The following SF3B3 variants were observed in gnomAD, a reference collection of about 807,000 sequenced individuals.
SF3B3 encodes the protein splicing factor 3b subunit 3.
SF3B3 carries 33 observed loss-of-function variants against 139.2 expected under a neutral mutation model. The observed-to-expected ratio is 0.24, with a 90% confidence interval of 0.18 to 0.32. SF3B3 has a LOEUF of 0.32. SF3B3 is among the 10% of genes least tolerant of loss of function. The pLI, the probability that SF3B3 is intolerant of heterozygous loss-of-function variation, is 1.00. For synonymous variants in SF3B3, 596 were observed against 563.6 expected (o/e 1.06, Z -0.81); for missense variants, 818 against 1,509.4 (o/e 0.54, Z 7.59).
intron 10 of SF3B3, among the ~76,000 whole-genome samples, chr16:70,544,967 C>G (rs535787054): frequency 6.6e-6 from 1 of 152,282 alleles, no homozygotes; most frequent in East Asian, 1.9e-4. Context: ...TACATCTAGT[C>G]TTAGTTAAAT....
intron 18 of SF3B3, 93 bp from the exon 19 acceptor site, chr16:70,564,972 G>A: frequency 9.5e-6 from 11 of 1,162,606 alleles, no homozygotes; most frequent in Non-Finnish European, 1.3e-5. Context: ...TATGTATTGA[G>A]AACCCCCTGG....
intron 11 of SF3B3, among the ~76,000 whole-genome samples, chr16:70,549,115 T>A (rs1299675134): frequency 6.6e-6 from 1 of 152,224 alleles, no homozygotes; most frequent in East Asian, 1.9e-4. Flanking sequence ...TCAGTCTCAT[T>A]TTCCCTTGAT....
chr16:70,571,310 G>A (rs74925842), intron 25 of SF3B3, 111 bp downstream of exon 25: 492 of 764,664 alleles, frequency 6.4e-4, no homozygotes, highest in African/African-American at 6.2e-3. Flanking sequence ...GCAGACCACA[G>A]CCAGAGCAAA....
rs2050114154 is a variant in SF3B3 at position 70,530,840 on chromosome 16, A to T, written c.493A>T (p.Thr165Ser). The T allele has an allele frequency of 6.2e-7, 1 of 1,613,988 alleles. No individual in the cohort carries two copies. Among genetic ancestry groups the T allele is most frequent in the African/African-American group, 1.3e-5 (1 of 74,918 alleles). ...TCCCCTGGAAGCCCACAAAGCAAAC[A>T]CTTTAGTGTATCATGTAGTTGGAGT... ...SSPLEAHKAN[T>S]LVYHVVGVDV... The change falls in exon 4 of 26, where the codon ACT (threonine) becomes TCT (serine). Residue 165 changes from threonine (T) to serine (S), a missense_variant. Physicochemically the swap from Thr to Ser is moderately conservative, Grantham distance 58. Transcript: ENST00000302516.
rs1197374408 is a variant in SF3B3, at chr16:70,544,187, G to A, written c.1234-251G>A. ...TTTTTAGGAGACTGGTGTGATGGCT[G>A]TATACCCTCAGTACTCACATGTGCG... On this transcript the variant is annotated intron_variant, in intron 9 of 25. Transcript: ENST00000302516. 2.4e-4 allele frequency among the ~76,000 whole-genome samples: 37 copies of A among 152,128 alleles called. 1 individual carries two copies. Among genetic ancestry groups the A allele is most frequent in the Admixed American group, 2.4e-3 (36 of 15,270 alleles).
intron 3 of SF3B3, among the ~76,000 whole-genome samples, chr16:70,530,135 T>G (rs1421387932): frequency 8.0e-6 from 1 of 125,152 alleles, no homozygotes; most frequent in African/African-American, 2.9e-5. Flanking sequence ...CAAAAATAAA[T>G]AAATAAATAA....
At chr16:70,561,438 A>G in intron 16 of SF3B3, 192 bp from the exon 17 acceptor site, 2 of 583,398 alleles carry the variant, frequency 3.4e-6, no homozygotes, top group South Asian at 2.2e-5. Flanking sequence ...CTCGTAGCCC[A>G]TGCTTTTCAC....
At chr16:70,559,635 C>T (rs1383199825) in intron 15 of SF3B3, among the ~76,000 whole-genome samples, 1 of 151,932 alleles carries the variant, frequency 6.6e-6, no homozygotes, top group Non-Finnish European at 1.5e-5. Flanking sequence ...TGCAGTGAGC[C>T]AAGATTGTGG....
Position 70,546,938 on chromosome 16 carries a change from G to A in SF3B3, c.1330-1432G>A, listed in dbSNP as rs868525934. 2.0e-4 allele frequency among the ~76,000 whole-genome samples: 30 copies of A among 152,042 alleles called. 1 individual carries two copies. Among genetic ancestry groups the A allele is most frequent in the South Asian group, 8.3e-4 (4 of 4,810 alleles). Reference sequence around the variant, plus strand: ...AGCTACTCAGGAGGCTGAGGCAGGAGAATGGCGTGAACCCGGGAGGTGGAG... The same window carrying A: ...AGCTACTCAGGAGGCTGAGGCAGGAAAATGGCGTGAACCCGGGAGGTGGAG... On this transcript the variant is annotated intron_variant, in intron 10 of 25. Transcript: ENST00000302516.
At chr16:70,566,697 C>G (rs1477192576) in intron 20 of SF3B3, among the ~76,000 whole-genome samples, 1 of 152,150 alleles carries the variant, frequency 6.6e-6, no homozygotes, top group Non-Finnish European at 1.5e-5. Flanking sequence ...GGGGAGTATC[C>G]TCTAAGAAAT....
intron 15 of SF3B3, 31 bp downstream of exon 15, chr16:70,557,060 A>G (rs371944094): frequency 1.3e-6 from 2 of 1,572,714 alleles, no homozygotes; most frequent in Non-Finnish European, 1.7e-6. Context: ...CATTGTGGAC[A>G]TTAGGCCTTC....
intron 13 of SF3B3, 116 bp downstream of exon 13, chr16:70,555,322 A>T: frequency 1.0e-6 from 1 of 997,706 alleles, no homozygotes; most frequent in Non-Finnish European, 1.5e-6. Flanking sequence ...TACTAAAAAT[A>T]CAAAAATTAG....
intron 2 of SF3B3, 59 bp downstream of exon 2, chr16:70,526,785 A>G: frequency 1.7e-6 from 2 of 1,167,176 alleles, no homozygotes; most frequent in Admixed American, 1.7e-5. Flanking sequence ...TATCTTGCTT[A>G]GTCTCTTGTG....
intron 1 of SF3B3, chr16:70,524,724 A>T (rs939547013): frequency 1.3e-5 from 2 of 152,320 alleles, no homozygotes; most frequent in Middle Eastern, 3.4e-3. Flanking sequence ...TTTGTCGCCC[A>T]GGCTGGAGTG....
intron 8 of SF3B3, 78 bp downstream of exon 8, chr16:70,539,285 C>A (rs929910006): frequency 3.0e-6 from 3 of 994,886 alleles, no homozygotes; most frequent in African/African-American, 1.6e-5. Context: ...CAGTGGCTCA[C>A]GGCCATAATC....
chr16:70,556,306 C>G lies in SF3B3; in HGVS notation c.1838C>G (p.Thr613Ser). ...CTGGCTGTGGGGCTTGTGGACAACA[C>G]TGTCAGAATCATCTCCCTGGATCCC... ...RFLAVGLVDN[T>S]VRIISLDPSD... Residue 613 changes from threonine to serine, a missense_variant, in exon 14 of 26, where the codon ACT becomes AGT. By Grantham distance (58) the Thr-to-Ser change is moderately conservative. Around this residue, in one of 14 missense-constraint regions of SF3B3, gnomAD observed 170 missense variants for 353.0 expected, o/e 0.48. Coordinates refer to ENST00000302516, the MANE Select transcript of SF3B3 (RefSeq NM_012426.5). The G allele has an allele frequency of 1.2e-6, 2 of 1,614,216 alleles. No homozygotes were observed. The highest frequency in any genetic ancestry group is 1.7e-6 in the Non-Finnish European group (2 of 1,180,040).
Position 70,544,454 on chromosome 16 carries a change from A to G in SF3B3, c.1250A>G (p.Asn417Ser), listed in dbSNP as rs752745730. ...ILFCQIADLA[N>S]EDTPQLYVAC... ...TCTGTGCAGATAGCTGATCTGGCCA[A>G]TGAAGATACTCCACAGTTGTATGTG... The change falls in exon 10 of 26, where the codon AAT (asparagine) becomes AGT (serine). Residue 417 changes from asparagine (N) to serine (S), a missense_variant. By Grantham distance (46) the Asn-to-Ser change is conservative. Transcript: ENST00000302516. 17 of 1,611,138 alleles carry G rather than the reference A, an allele frequency of 1.1e-5. No individual in the cohort carries two copies. Among genetic ancestry groups the G allele is most frequent in the Admixed American group, 1.7e-5 (1 of 59,964 alleles).
chr16:70,542,874 A>C (rs1169415817), intron 9 of SF3B3, among the ~76,000 whole-genome samples: 1 of 151,580 alleles, frequency 6.6e-6, no homozygotes, highest in Non-Finnish European at 1.5e-5. Flanking sequence ...AGCGCCCGCC[A>C]CCATGCCCAG....
intron 1 of SF3B3, among the ~76,000 whole-genome samples, chr16:70,525,737 GC>G (rs2050055921): frequency 6.6e-6 from 1 of 151,966 alleles, no homozygotes; most frequent in South Asian, 2.1e-4. Flanking sequence ...GGAGGCGGAG[GC>G]GGGCGGATCA....
Sources: allele counts gnomAD v4.1 joint callset (sites outside exome capture counted in the v4.1 genomes callset), GRCh38; gene constraint gnomAD v4.1.1; regional missense constraint gnomAD v4.1.1; transcripts MANE v1.5; gene names NCBI Gene and HGNC (gene_info 2026-07-23, HGNC 2026-07-21).